The following ITGB3BP variants were observed in gnomAD, a reference collection of about 807,000 sequenced individuals.
ITGB3BP encodes integrin subunit beta 3 binding protein.
Under a neutral mutation model 29.1 loss-of-function variants are expected in ITGB3BP, and 27 were observed. That is an observed-to-expected ratio of 0.93 (90% CI 0.68 to 1.28). The LOEUF is 1.28. ITGB3BP is among the 50% of genes most tolerant of loss of function. ITGB3BP has a pLI of 0.00. For missense variants in ITGB3BP, 192 were observed against 200.2 expected, an observed-to-expected ratio of 0.96 and a Z score of 0.25; for synonymous variants, 61 against 61.4, an observed-to-expected ratio of 0.99 and a Z score of 0.03.
At chr1:63,469,379 T>C (rs558246000) in intron 4 of ITGB3BP, among the ~76,000 whole-genome samples, 90 of 151,786 alleles carry the variant, frequency 5.9e-4, no homozygotes, top group African/African-American at 2.0e-3. Context: ...CAGGCTGGAG[T>C]GCAATGGCAC....
intron 4 of ITGB3BP, chr1:63,457,473 A>G (rs1644951606): frequency 6.6e-6 from 1 of 152,146 alleles, no homozygotes; most frequent in Non-Finnish European, 1.5e-5. Flanking sequence ...TATGGTTTGC[A>G]TACAGACCCT....
chr1:63,524,875 G>A (rs184158594), upstream of ITGB3BP, among the ~76,000 whole-genome samples: 41 of 152,242 alleles, frequency 2.7e-4, no homozygotes, highest in African/African-American at 8.9e-4. Flanking sequence ...AAGCTCTTAT[G>A]TACAGAGGTG....
intron 3 of ITGB3BP, among the ~76,000 whole-genome samples, chr1:63,489,391 T>G (rs11208225): frequency 0.15 from 22,324 of 146,044 alleles, 2,173 homozygotes; most frequent in South Asian, 0.24. Context: ...TACATGTCAC[T>G]GATTCATAAC....
chr1:63,486,203 A>G (rs577285352), intron 3 of ITGB3BP, among the ~76,000 whole-genome samples: 71 of 152,050 alleles, frequency 4.7e-4, no homozygotes, highest in Non-Finnish European at 7.1e-4. Flanking sequence ...CTCTTCGACT[A>G]TGCAAATTTG....
rs187106473 is a variant in ITGB3BP, at chr1:63,499,101, T to A, written c.49-8883A>T. On this transcript the variant is annotated intron_variant, in intron 2 of 8. Coordinates refer to ENST00000271002, the MANE Select transcript of ITGB3BP (RefSeq NM_014288.5). ...GACATAAGAGTTAATATTCAAAAAA[T>A]TTACAACAAAGAAAAGCCCAGGACC... Among the ~76,000 whole-genome samples the A allele has an allele frequency of 3.9e-3, 579 of 150,322 alleles. 3 individuals are homozygous for A. The highest frequency in any genetic ancestry group is 0.013 in the African/African-American group (529 of 41,036).
chr1:63,519,901 G>A (rs753549740), intron 1 of ITGB3BP, among the ~76,000 whole-genome samples: 5 of 152,034 alleles, frequency 3.3e-5, no homozygotes, highest in African/African-American at 4.8e-5. Context: ...GCAGCAGAAT[G>A]GCCCCCACTG....
intron 8 of ITGB3BP, among the ~76,000 whole-genome samples, chr1:63,445,997 G>A (rs1644786702): frequency 1.3e-5 from 2 of 152,104 alleles, no homozygotes; most frequent in African/African-American, 4.8e-5. Context: ...TCTGCCTCCT[G>A]GGTTCAAGCG....
chr1:63,450,913 T>C (rs1384879322), intron 7 of ITGB3BP, among the ~76,000 whole-genome samples: 1 of 151,884 alleles, frequency 6.6e-6, no homozygotes, highest in Non-Finnish European at 1.5e-5. Flanking sequence ...TTTAATTTTA[T>C]TGTGTATGTT....
upstream of ITGB3BP, among the ~76,000 whole-genome samples, chr1:63,523,811 G>C (rs1224894262): frequency 6.6e-6 from 1 of 152,162 alleles, no homozygotes; most frequent in Non-Finnish European, 1.5e-5. Context: ...TAGAGAGATG[G>C]TGCCCGAGAT....
intron 4 of ITGB3BP, among the ~76,000 whole-genome samples, chr1:63,477,501 T>C (rs577303922): frequency 6.6e-6 from 1 of 152,258 alleles, no homozygotes; most frequent in African/African-American, 2.4e-5. Context: ...AGTGGGTCGC[T>C]TGAGCCCAGG....
At chr1:63,514,195 T>C (rs902166934) in intron 1 of ITGB3BP, among the ~76,000 whole-genome samples, 1 of 152,240 alleles carries the variant, frequency 6.6e-6, no homozygotes, top group African/African-American at 2.4e-5. Context: ...CCCAGGTTGT[T>C]GCACATCAGT....
chr1:63,441,529 C>T (rs1644730764), intron 8 of ITGB3BP, among the ~76,000 whole-genome samples: 1 of 152,206 alleles, frequency 6.6e-6, no homozygotes. Context: ...AGCCACTGTG[C>T]CCGGCCTTAT....
At chr1:63,525,031 T>C (rs1646560378), upstream of ITGB3BP, among the ~76,000 whole-genome samples, 1 of 152,220 alleles carries the variant, frequency 6.6e-6, no homozygotes, top group African/African-American at 2.4e-5. Context: ...GATCCTGCTG[T>C]GGAAGATGGG....
At chr1:63,503,596 G>A (rs1352250767) in intron 2 of ITGB3BP, among the ~76,000 whole-genome samples, 3 of 152,170 alleles carry the variant, frequency 2.0e-5, no homozygotes, top group Non-Finnish European at 4.4e-5. Context: ...CCATGCCTAT[G>A]TCCTGAATGG....
At chr1:63,452,252 T>C (rs148054436) in intron 7 of ITGB3BP, among the ~76,000 whole-genome samples, 47 of 152,324 alleles carry the variant, frequency 3.1e-4, no homozygotes, top group African/African-American at 9.1e-4. Flanking sequence ...ATTCCAGAGT[T>C]TTCCTCTTCC....
chr1:63,482,676 AGAGTCTCACTTTGCC>A (rs1246149113), intron 3 of ITGB3BP, among the ~76,000 whole-genome samples: 1 of 144,470 alleles, frequency 6.9e-6, no homozygotes, highest in Non-Finnish European at 1.5e-5. Flanking sequence ...TTTTTGAGAC[AGAGTCTCACTTTGCC>A]AGCCCAGCCC....
intron 4 of ITGB3BP, among the ~76,000 whole-genome samples, chr1:63,463,322 T>C (rs376115891): frequency 7.0e-6 from 1 of 142,532 alleles, no homozygotes; most frequent in Non-Finnish European, 1.5e-5. Flanking sequence ...TTCTGTAACA[T>C]AACTACAGTG....
chr1:63,473,813 CCCGG>C (rs1456494528), intron 4 of ITGB3BP, among the ~76,000 whole-genome samples: 2 of 66,852 alleles, frequency 3.0e-5, no homozygotes, highest in Non-Finnish European at 6.2e-5. Flanking sequence ...CAGCCCCCCG[CCCGG>C]CCGGCCGCCC....
In ITGB3BP at chr1:63,461,101, AAAGTT is replaced by A. The variant is rs1201761892; in HGVS notation, c.255-6138_255-6134del. On this transcript the variant is annotated intron_variant, in intron 4 of 8. Transcript: ENST00000271002. ...AAAACTACAAAAAAAAAAAAAAAAA[AAAGTT>A]AGCCAGGCATGGTGGCGGGTGCCTG... is the stretch of plus-strand genomic sequence containing the variant. Among the ~76,000 whole-genome samples the A allele has an allele frequency of 3.0e-4, 45 of 151,144 alleles. No individual in the cohort carries two copies. In the South Asian group the frequency reaches 8.8e-3, roughly 30 times the overall value.
Sources: allele counts gnomAD v4.1 joint callset (sites outside exome capture counted in the v4.1 genomes callset), GRCh38; gene constraint gnomAD v4.1.1; transcripts MANE v1.5; gene names NCBI Gene and HGNC (gene_info 2026-07-23, HGNC 2026-07-21).